The following TMEM132C variants were observed in gnomAD, a reference collection of about 807,000 sequenced individuals.
TMEM132C encodes the protein transmembrane protein 132C, also known as protein phosphatase 1, regulatory subunit 152.
TMEM132C carries 29 observed loss-of-function variants against 61.4 expected under a neutral mutation model. The observed-to-expected ratio is 0.47, with a 90% CI of 0.35 to 0.64. The LOEUF (loss-of-function observed/expected upper bound fraction) is 0.64, where lower values mean the gene tolerates loss of function less well. TMEM132C is among the 30% of genes least tolerant of loss of function. The pLI, the probability that TMEM132C is intolerant of heterozygous loss-of-function variation, is 0.00. For synonymous variants in TMEM132C, 656 were observed against 633.1 expected (o/e 1.04, Z -0.54); for missense variants, 1,408 against 1,476.9 (o/e 0.95, Z 0.76).
At position 128,375,618 on chromosome 12, in the gene TMEM132C, C is replaced by T. The variant is rs74842297; in HGVS notation, c.86-39114C>T. 2.8e-3 allele frequency among the ~76,000 whole-genome samples: 433 copies of T among 152,250 alleles called. 1 individual carries two copies. Among genetic ancestry groups the T allele is most frequent in the African/African-American group, 9.7e-3 (403 of 41,560 alleles). On this transcript the variant is annotated intron_variant, in intron 1 of 8. Transcript: ENST00000435159. ...CCCTAAATCCAAGATGATTTCATCTCGTGTTCCTGAACTAATTACATCTGC... is the reference window on the plus strand; with the variant it reads ...CCCTAAATCCAAGATGATTTCATCTTGTGTTCCTGAACTAATTACATCTGC...
chr12:128,358,656 C>T (rs933766896), intron 1 of TMEM132C, among the ~76,000 whole-genome samples: 12 of 152,116 alleles, frequency 7.9e-5, no homozygotes, highest in South Asian at 2.1e-4. Flanking sequence ...CTGGTAAGAG[C>T]GTATGCCTTA....
At chr12:128,388,926 G>A (rs563989626) in intron 1 of TMEM132C, among the ~76,000 whole-genome samples, 1 of 152,312 alleles carries the variant, frequency 6.6e-6, no homozygotes, top group South Asian at 2.1e-4. Flanking sequence ...ACCAGATACT[G>A]AATTCACAGG....
chr12:128,531,232 G>C (rs1193536641), intron 2 of TMEM132C, among the ~76,000 whole-genome samples: 1 of 152,176 alleles, frequency 6.6e-6, no homozygotes, highest in Non-Finnish European at 1.5e-5. Flanking sequence ...ACTGCTCTCT[G>C]AGATCCAGCA....
intron 5 of TMEM132C, among the ~76,000 whole-genome samples, chr12:128,678,239 T>C (rs1444498518): frequency 1.3e-5 from 2 of 152,142 alleles, no homozygotes; most frequent in Non-Finnish European, 2.9e-5. Flanking sequence ...GGTTCTCAGA[T>C]GAAAGAAAAT....
chr12:128,473,977 C>G (rs959342455), intron 2 of TMEM132C, among the ~76,000 whole-genome samples: 2 of 152,242 alleles, frequency 1.3e-5, no homozygotes, highest in Admixed American at 6.5e-5. Context: ...GCCATGTTAT[C>G]TTGAAAATGC....
intron 3 of TMEM132C, among the ~76,000 whole-genome samples, chr12:128,595,814 C>A (rs1593113367): frequency 6.6e-6 from 1 of 152,310 alleles, no homozygotes; most frequent in East Asian, 1.9e-4. Flanking sequence ...ACTGACCGTA[C>A]AGAATGGGAA....
At chr12:128,530,739 G>A (rs111300471) in intron 2 of TMEM132C, among the ~76,000 whole-genome samples, 9 of 152,246 alleles carry the variant, frequency 5.9e-5, no homozygotes, top group South Asian at 4.1e-4. Context: ...CACCATGCCC[G>A]GCCTCCAATA....
intron 2 of TMEM132C, among the ~76,000 whole-genome samples, chr12:128,492,834 G>T (rs1394621434): frequency 3.9e-5 from 6 of 152,180 alleles, no homozygotes; most frequent in Admixed American, 3.9e-4. Context: ...TTCTTTTGCT[G>T]TGCAGAAGCT....
chr12:128,448,954 G>A (rs1452873229), intron 2 of TMEM132C, among the ~76,000 whole-genome samples: 7 of 151,514 alleles, frequency 4.6e-5, no homozygotes, highest in African/African-American at 7.3e-5. Flanking sequence ...TGGCTAACAC[G>A]GCGAAACCCT....
At chr12:128,401,091 G>A (rs879367735) in intron 1 of TMEM132C, among the ~76,000 whole-genome samples, 5 of 152,192 alleles carry the variant, frequency 3.3e-5, no homozygotes, top group African/African-American at 7.2e-5. Context: ...TACAGACCAT[G>A]GGTCAAATCC....
At chr12:128,376,946 G>A (rs560503252) in intron 1 of TMEM132C, among the ~76,000 whole-genome samples, 2 of 152,340 alleles carry the variant, frequency 1.3e-5, no homozygotes, top group East Asian at 3.9e-4. Flanking sequence ...TCCAGCTCTG[G>A]AAACATCCAT....
At chr12:128,585,560 A>G (rs922938359) in intron 3 of TMEM132C, among the ~76,000 whole-genome samples, 4 of 152,254 alleles carry the variant, frequency 2.6e-5, no homozygotes, top group African/African-American at 9.6e-5. Flanking sequence ...GCATTGGGGA[A>G]TGGTCAGATA....
At chr12:128,576,123 T>C (rs1469703198) in intron 3 of TMEM132C, among the ~76,000 whole-genome samples, 1 of 152,044 alleles carries the variant, frequency 6.6e-6, no homozygotes, top group Admixed American at 6.5e-5. Context: ...GGCTTGGTGG[T>C]GCATGTCTGT....
chr12:128,300,114 T>C (rs545113532), intron 1 of TMEM132C, among the ~76,000 whole-genome samples: 294 of 152,340 alleles, frequency 1.9e-3, no homozygotes, highest in Admixed American at 4.2e-3. Flanking sequence ...TTTAAGGAGA[T>C]AGCCATAAGC....
chr12:128,659,084 A>G (rs568850906), intron 4 of TMEM132C, among the ~76,000 whole-genome samples: 1 of 152,384 alleles, frequency 6.6e-6, no homozygotes, highest in East Asian at 1.9e-4. Context: ...GATCTTGTTC[A>G]GGGATCAGCA....
chr12:128,330,573 T>C (rs1266204618), intron 1 of TMEM132C, among the ~76,000 whole-genome samples: 1 of 152,136 alleles, frequency 6.6e-6, no homozygotes, highest in Non-Finnish European at 1.5e-5. Flanking sequence ...TTTTAAAGTG[T>C]ATATCATTTA....
chr12:128,597,776 A>G (rs1367767160), intron 3 of TMEM132C, among the ~76,000 whole-genome samples: 1 of 152,166 alleles, frequency 6.6e-6, no homozygotes, highest in Non-Finnish European at 1.5e-5. Flanking sequence ...CAGCCTAGCA[A>G]TGTGATAGTT....
intron 1 of TMEM132C, among the ~76,000 whole-genome samples, chr12:128,378,240 G>A (rs1041439120): frequency 1.3e-5 from 2 of 151,326 alleles, no homozygotes; most frequent in African/African-American, 4.9e-5. Flanking sequence ...TTAGCCTCCC[G>A]AGTAGCTGGG....
chr12:128,605,460 G>C (rs964730138), intron 3 of TMEM132C, among the ~76,000 whole-genome samples: 1 of 152,188 alleles, frequency 6.6e-6, no homozygotes, highest in Non-Finnish European at 1.5e-5. Flanking sequence ...CAGCTGAGGT[G>C]TTAATTTCTC....
Sources: gnomAD v4.1 joint callset for allele counts (sites outside exome capture counted in the v4.1 genomes callset) on GRCh38, gnomAD v4.1.1 for gene constraint, MANE v1.5 for transcripts, NCBI Gene and HGNC (gene_info 2026-07-23, HGNC 2026-07-21) for gene names.